The following CAMK1D variants were observed in gnomAD, a reference collection of about 807,000 sequenced individuals.
The protein encoded by CAMK1D is calcium/calmodulin dependent protein kinase ID, also known as calcium/calmodulin-dependent protein kinase type 1D.
In CAMK1D, 9 loss-of-function variants were observed where a neutral mutation model predicts 47.7. That is an observed-to-expected ratio of 0.19 (90% confidence interval 0.11 to 0.33). The LOEUF (loss-of-function observed/expected upper bound fraction) is 0.33, where lower values mean the gene tolerates loss of function less well. Ranked by LOEUF, CAMK1D falls within the 10% of genes least tolerant of loss-of-function variation. CAMK1D has a pLI of 1.00. For synonymous variants in CAMK1D, 184 were observed against 184.9 expected (o/e 0.99, Z 0.04); for missense variants, 291 against 488.7 (o/e 0.60, Z 3.81).
intron 1 of CAMK1D, among the ~76,000 whole-genome samples, chr10:12,537,319 G>T (rs1299372814): frequency 6.6e-6 from 1 of 152,216 alleles, no homozygotes; most frequent in Non-Finnish European, 1.5e-5. Flanking sequence ...TGATCCGCCT[G>T]CCTTGACCTC....
At chr10:12,378,866 G>A (rs529060329) in intron 1 of CAMK1D, among the ~76,000 whole-genome samples, 50 of 143,438 alleles carry the variant, frequency 3.5e-4, no homozygotes, top group Non-Finnish European at 6.6e-4. Context: ...CTGGAGTGCC[G>A]TGGTGCGCTC....
At chr10:12,670,652 A>T (rs1323624832) in intron 3 of CAMK1D, among the ~76,000 whole-genome samples, 3 of 151,764 alleles carry the variant, frequency 2.0e-5, no homozygotes, top group Non-Finnish European at 4.4e-5. Context: ...GGTTCAAGCG[A>T]TTCTCCTAGC....
At chr10:12,419,158 A>T (rs767689517) in intron 1 of CAMK1D, among the ~76,000 whole-genome samples, 2 of 152,040 alleles carry the variant, frequency 1.3e-5, no homozygotes, top group Non-Finnish European at 2.9e-5. Flanking sequence ...GGGACGGGAG[A>T]TTTTATAAGC....
chr10:12,415,322 G>GT (rs1293204045), intron 1 of CAMK1D, among the ~76,000 whole-genome samples: 9 of 151,550 alleles, frequency 5.9e-5, no homozygotes, highest in African/African-American at 2.2e-4. Context: ...GAGTCTCGCC[G>GT]TTGTTGCCCA....
At chr10:12,422,661 G>C (rs1840094725) in intron 1 of CAMK1D, among the ~76,000 whole-genome samples, 1 of 151,806 alleles carries the variant, frequency 6.6e-6, no homozygotes, top group African/African-American at 2.4e-5. Context: ...AAATATGTGG[G>C]TTAATATAAT....
At chr10:12,444,488 C>T (rs1404904247) in intron 1 of CAMK1D, among the ~76,000 whole-genome samples, 6 of 152,162 alleles carry the variant, frequency 3.9e-5, no homozygotes, top group Non-Finnish European at 5.9e-5. Flanking sequence ...AGCCCCAGGA[C>T]GTCCTGTGAA....
chr10:12,600,230 G>T (rs998421429), intron 2 of CAMK1D, among the ~76,000 whole-genome samples: 2 of 152,208 alleles, frequency 1.3e-5, no homozygotes, highest in Non-Finnish European at 2.9e-5. Context: ...TTTGACTCCA[G>T]TTCCCCGCTT....
chr10:12,555,348 A>C (rs1836727371), intron 2 of CAMK1D, among the ~76,000 whole-genome samples: 1 of 152,196 alleles, frequency 6.6e-6, no homozygotes, highest in African/African-American at 2.4e-5. Context: ...AAGAAGCTAC[A>C]GCATGCGGGA....
chr10:12,692,178 C>T (rs1156591595), intron 3 of CAMK1D, among the ~76,000 whole-genome samples: 6 of 152,156 alleles, frequency 3.9e-5, no homozygotes, highest in South Asian at 4.1e-4. Context: ...CATTGGATGG[C>T]GCCTTCATAG....
chr10:12,615,666 AGT>A (rs1466338829), intron 2 of CAMK1D, among the ~76,000 whole-genome samples: 7 of 148,358 alleles, frequency 4.7e-5, no homozygotes, highest in Non-Finnish European at 8.9e-5. Context: ...TTTATTTGAA[AGT>A]GTATTTGTGT....
chr10:12,659,447 G>A (rs1442818955), intron 2 of CAMK1D, among the ~76,000 whole-genome samples: 2 of 152,190 alleles, frequency 1.3e-5, no homozygotes, highest in Non-Finnish European at 2.9e-5. Context: ...TTATAAGGCT[G>A]TTGCAGAATG....
chr10:12,812,289 A>T (rs1054052331), intron 6 of CAMK1D, among the ~76,000 whole-genome samples: 2 of 152,166 alleles, frequency 1.3e-5, no homozygotes, highest in East Asian at 3.8e-4. Context: ...ATGTTGATCT[A>T]TGTGGTACAA....
At chr10:12,547,353 G>A (rs1836412478) in intron 1 of CAMK1D, among the ~76,000 whole-genome samples, 1 of 152,174 alleles carries the variant, frequency 6.6e-6, no homozygotes, top group Admixed American at 6.5e-5. Context: ...GAAGAGTGGG[G>A]CACGGGCTCC....
intron 1 of CAMK1D, among the ~76,000 whole-genome samples, chr10:12,442,897 C>T (rs1052003326): frequency 3.3e-5 from 5 of 152,188 alleles, no homozygotes; most frequent in African/African-American, 9.6e-5. Context: ...CAAGAGACAG[C>T]AGTGTGATGG....
intron 1 of CAMK1D, among the ~76,000 whole-genome samples, chr10:12,374,483 G>T (rs970294403): frequency 2.6e-5 from 4 of 152,038 alleles, no homozygotes; most frequent in Admixed American, 6.6e-5. Context: ...AGTATCTCCT[G>T]CTTCCAGAGC....
intron 2 of CAMK1D, among the ~76,000 whole-genome samples, chr10:12,586,605 C>T (rs753567221): frequency 3.9e-5 from 6 of 152,122 alleles, no homozygotes; most frequent in Non-Finnish European, 7.3e-5. Context: ...GCCTGACCCA[C>T]AGCCCACCTG....
chr10:12,764,931 A>G (rs1836681359), intron 4 of CAMK1D, among the ~76,000 whole-genome samples: 1 of 152,142 alleles, frequency 6.6e-6, no homozygotes, highest in South Asian at 2.1e-4. Context: ...CCTTGTCTCT[A>G]CTAAAAATAC....
intron 2 of CAMK1D, among the ~76,000 whole-genome samples, chr10:12,562,368 C>T (rs972078756): frequency 2.6e-5 from 4 of 152,204 alleles, no homozygotes; most frequent in African/African-American, 4.8e-5. Flanking sequence ...TGAGGATTTA[C>T]GTTTCCAACA....
At chr10:12,521,454 G>C (rs1168125574) in intron 1 of CAMK1D, among the ~76,000 whole-genome samples, 1 of 152,152 alleles carries the variant, frequency 6.6e-6, no homozygotes, top group Non-Finnish European at 1.5e-5. Flanking sequence ...ATTACAGTCA[G>C]ATAACATACT....
Sources: gnomAD v4.1 joint callset for allele counts (sites outside exome capture counted in the v4.1 genomes callset) on GRCh38, gnomAD v4.1.1 for gene constraint, MANE v1.5 for transcripts, NCBI Gene and HGNC (gene_info 2026-07-23, HGNC 2026-07-21) for gene names.